Variants in CCDC136 observed in about 807,000 individuals in gnomAD.
The protein encoded by CCDC136 is coiled-coil domain containing 136.
A neutral mutation model predicts 141.2 loss-of-function variants in CCDC136; 100 were observed. The observed-to-expected ratio is 0.71, with a 90% CI of 0.60 to 0.84. The LOEUF is 0.84. CCDC136 is among the 40% of genes least tolerant of loss of function. The probability of loss-of-function intolerance (pLI) is 0.00; values close to 1 mark genes in which losing one functional copy is unlikely to be tolerated. For missense variants in CCDC136, 1,206 were observed against 1,379.4 expected (o/e 0.87, Z 1.99); for synonymous variants, 474 against 531.9 (o/e 0.89, Z 1.50).
chr7:128,793,599 T>G (rs1342409245), intron 1 of CCDC136, among the ~76,000 whole-genome samples: 1 of 152,116 alleles, frequency 6.6e-6, no homozygotes, highest in African/African-American at 2.4e-5. Flanking sequence ...TAGTTTTTGT[T>G]TGGTTGTTTT....
Position 128,805,666 on chromosome 7 carries a change from T to G in CCDC136, c.949-95T>G. ...GGTCTCACTTGCCTGATGTAAATCT[T>G]CCAGTCAAAGAGCGCCATGCTTTCC... On this transcript the variant is annotated intron_variant, in intron 6 of 17. Transcript: ENST00000297788. The surrounding 1 kb of genome is among the most constrained non-coding windows in gnomAD (Gnocchi z 4.6). 1 of 1,562,818 alleles carries G rather than the reference T, an allele frequency of 6.4e-7. No homozygotes were observed. The highest frequency in any genetic ancestry group is 8.7e-7 in the Non-Finnish European group (1 of 1,145,690).
chr7:128,808,886 A>G, intron 10 of CCDC136: 2 of 985,326 alleles, frequency 2.0e-6, no homozygotes, highest in Non-Finnish European at 2.4e-6. Flanking sequence ...GATCTGTCTG[A>G]TATTAGAAGA....
rs537799213 is a variant in CCDC136 at position 128,815,990 on chromosome 7, C to T, written c.3363+59C>T. On this transcript the variant is annotated intron_variant, in intron 16 of 17. Coordinates refer to ENST00000297788, the MANE Select transcript of CCDC136 (RefSeq NM_022742.5). ...GTGGGGTCTTGGGCTCAGATAACTC[C>T]GAGTTAATGGGTGGCCCTGCCAAGG... 137 of 1,510,600 alleles carry T rather than the reference C, an allele frequency of 9.1e-5. 1 individual carries two copies. The South Asian group carries it at 1.3e-3, about 14-fold the overall frequency. The allele number at this position is 1,510,600 out of a possible 1,614,324, so 93.6% of individuals were successfully genotyped here.
At position 128,805,942 on chromosome 7, in the gene CCDC136, G is replaced by A. The variant is rs1043810600; in HGVS notation, c.1089+41G>A. 1.1e-5 allele frequency: 17 copies of A among 1,610,412 alleles called. No homozygotes were observed. In the Admixed American group the frequency reaches 2.3e-4, roughly 22 times the overall value. On this transcript the variant is annotated intron_variant, in intron 7 of 17. Coordinates refer to ENST00000297788, the MANE Select transcript of CCDC136 (RefSeq NM_022742.5). The surrounding 1 kb of genome is among the most constrained non-coding windows in gnomAD (Gnocchi z 4.6). ...GGAGGCATCTGGGGTGGGGGCAGAA[G>A]GGCCTCATGGAGGGGCTGCTTCAAC...
At chr7:128,814,411 A>G (rs1461527802) in intron 14 of CCDC136, among the ~76,000 whole-genome samples, 1 of 152,144 alleles carries the variant, frequency 6.6e-6, no homozygotes, top group East Asian at 1.9e-4. Context: ...TCATCTTATT[A>G]GATGGACATC....
At chr7:128,796,100 C>G (rs1435860740) in intron 3 of CCDC136, among the ~76,000 whole-genome samples, 1 of 152,086 alleles carries the variant, frequency 6.6e-6, no homozygotes, top group African/African-American at 2.4e-5. Flanking sequence ...CTCAGCCTCC[C>G]GAGTAGCTGA....
At chr7:128,791,517 C>A, upstream of CCDC136, 1 of 1,292,956 alleles carries the variant, frequency 7.7e-7, no homozygotes, top group Non-Finnish European at 9.7e-7. This position sits in a 1 kb window ranked among gnomAD's most constrained non-coding sequence, Gnocchi z 7.1. Context: ...CCGGAGCCGG[C>A]GCGGGAGCCG....
intron 9 of CCDC136, 145 bp downstream of exon 9, chr7:128,807,003 C>T (rs756789255): frequency 1.2e-4 from 81 of 692,602 alleles, no homozygotes; most frequent in Non-Finnish European, 1.7e-4. Context: ...AAGGTGACCT[C>T]GGGGAGTCAC....
Position 128,806,851 on chromosome 7 carries a change from A to G in CCDC136, c.1412A>G (p.Asn471Ser), listed in dbSNP as rs540079306. 5 of 1,602,204 alleles carry G rather than the reference A, an allele frequency of 3.1e-6. No homozygotes were observed. The African/African-American group carries it at 4.0e-5, about 13-fold the overall frequency. The stretch of plus-strand genomic sequence containing the variant: ...ACGGTGGCCTCCTTCAAAGAGAGCA[A>G]TGAGAAGGTAAAAGAAGCTCCTGGT... ...RDTVASFKES[N>S]EKDTETHAQL... The change falls in exon 9 of 18, where the codon AAT becomes AGT. Residue 471 changes from asparagine to serine, a missense_variant. By Grantham distance (46) the Asn-to-Ser change is conservative. Coordinates refer to ENST00000297788, the MANE Select transcript of CCDC136 (RefSeq NM_022742.5).
chr7:128,792,174 A>G lies in CCDC136; in HGVS notation c.-238A>G. ...GGTGGCCGAGAGAGAGGAGTCGCAG[A>G]GCCGCCAGAGTGAGTCAGGCACCTC... On this transcript the variant is annotated 5_prime_UTR_variant, in exon 1 of 18. Transcript: ENST00000297788. 1 of 1,443,778 alleles carries G rather than the reference A, an allele frequency of 6.9e-7. No homozygotes were observed. Among genetic ancestry groups the G allele is most frequent in the Non-Finnish European group, 9.0e-7 (1 of 1,105,664 alleles). 89.4% of individuals were successfully genotyped at this position (1,443,778 alleles called of 1,614,324 possible). A position where few individuals can be genotyped will look rare whatever the true frequency, so the allele number is the denominator to read the frequency against.
intron 4 of CCDC136, among the ~76,000 whole-genome samples, chr7:128,802,642 G>C (rs781285328): frequency 6.6e-6 from 1 of 152,192 alleles, no homozygotes. Context: ...AAAATGTAGA[G>C]AAATCCAAGT....
intron 10 of CCDC136, chr7:128,808,993 A>C: frequency 2.0e-6 from 2 of 983,312 alleles, no homozygotes; most frequent in African/African-American, 1.7e-5. Flanking sequence ...TAGGAAAGCA[A>C]AAATGGGAAA....
At chr7:128,803,091 A>T (rs2128906664) in intron 4 of CCDC136, among the ~76,000 whole-genome samples, 1 of 152,372 alleles carries the variant, frequency 6.6e-6, no homozygotes, top group Admixed American at 6.5e-5. Flanking sequence ...AGCAGGTAAG[A>T]TAGGTCTTGT....
rs776592909 is a variant in CCDC136 at position 128,812,865 on chromosome 7, G to A, written c.2699G>A (p.Arg900Lys). 5.0e-6 allele frequency: 8 copies of A among 1,613,034 alleles called. No individual in the cohort carries two copies. Among genetic ancestry groups the A allele is most frequent in the African/African-American group, 1.3e-5 (1 of 74,786 alleles). ...AAGGAAGAGCTGGATGCCTGTGAAA[G>A]GGAGTTCAAGGAGTGCATGGAATGC... The part of the protein sequence containing the change: ...DLKEELDACE[R>K]EFKECMECLE... Residue 900 changes from arginine (R) to lysine (K), a missense_variant, in exon 14 of 18, where the codon AGG becomes AAG. Transcript: ENST00000297788.
intron 16 of CCDC136, among the ~76,000 whole-genome samples, chr7:128,816,568 T>C (rs1806666004): frequency 6.6e-6 from 1 of 152,152 alleles, no homozygotes; most frequent in Non-Finnish European, 1.5e-5. Context: ...AACCCTTCAG[T>C]TGCTAGATCA....
chr7:128,815,896 G>A lies in CCDC136; in HGVS notation c.3328G>A (p.Glu1110Lys). Residue 1110 changes from glutamate to lysine, a missense_variant, in exon 16 of 18, where the codon GAA (glutamate) becomes AAA (lysine). Physicochemically the swap from Glu to Lys is moderately conservative, Grantham distance 56 (BLOSUM62 1). Transcript: ENST00000297788. ...DADSSLESPE[E>K]NNPLRLSESK... Reference sequence around the variant, plus strand: ...CGACTCTTCCCTTGAAAGTCCCGAAGAAAATAACCCCCTCAGACTTTCCGA... The same window carrying A: ...CGACTCTTCCCTTGAAAGTCCCGAAAAAAATAACCCCCTCAGACTTTCCGA... 1 of 1,613,752 alleles carries A rather than the reference G, an allele frequency of 6.2e-7. No homozygotes were observed. Among genetic ancestry groups the A allele is most frequent in the Non-Finnish European group, 8.5e-7 (1 of 1,179,790 alleles).
chr7:128,816,010 C>A, intron 16 of CCDC136, 79 bp downstream of exon 16: 1 of 1,404,234 alleles, frequency 7.1e-7, no homozygotes, highest in African/African-American at 1.4e-5. Context: ...GGTGGCCCTG[C>A]CAAGGATGGA....
Position 128,809,638 on chromosome 7 carries a change from A to G in CCDC136, c.1794A>G (p.Leu598=), listed in dbSNP as rs1805412861. The change falls in exon 11 of 18, where the codon TTA becomes TTG. Residue 598 remains leucine (L), a synonymous_variant. Coordinates refer to ENST00000297788, the MANE Select transcript of CCDC136 (RefSeq NM_022742.5). ...LTLPLPKSGL[L]LKSQELLTKL... Reference sequence around the variant, plus strand: ...TGCCACTGCCAAAGAGTGGCCTCTTACTCAAGGTAACTCTGCCACAGGCAG... The same window carrying G: ...TGCCACTGCCAAAGAGTGGCCTCTTGCTCAAGGTAACTCTGCCACAGGCAG... 6.6e-7 allele frequency: 1 copy of G among 1,514,256 alleles called. No homozygotes were observed. Among genetic ancestry groups the G allele is most frequent in the Non-Finnish European group, 8.9e-7 (1 of 1,128,608 alleles). 93.8% of individuals were successfully genotyped at this position (1,514,256 alleles called of 1,614,324 possible). A position where few individuals can be genotyped will look rare whatever the true frequency, so the allele number is the denominator to read the frequency against.
rs1242519160 is a variant in CCDC136 at position 128,821,276 on chromosome 7, A to G, written c.*6-523A>G. On this transcript the variant is annotated intron_variant, in intron 17 of 17. Coordinates refer to ENST00000297788, the MANE Select transcript of CCDC136 (RefSeq NM_022742.5). This position sits in a 1 kb window ranked among gnomAD's most constrained non-coding sequence, Gnocchi z 5.1. ...GGTTTCCTTAAATTTCCTTGAACCAATGTCATTCTCTGTCAAAGTTTGTCT... is the reference window on the plus strand; with the variant it reads ...GGTTTCCTTAAATTTCCTTGAACCAGTGTCATTCTCTGTCAAAGTTTGTCT... 2.0e-5 allele frequency among the ~76,000 whole-genome samples: 3 copies of G among 152,142 alleles called. No individual in the cohort carries two copies. The highest frequency in any genetic ancestry group is 1.9e-4 in the East Asian group (1 of 5,192).
Sources: allele counts gnomAD v4.1 joint callset (sites outside exome capture counted in the v4.1 genomes callset), GRCh38; gene constraint gnomAD v4.1.1; non-coding constraint Gnocchi (gnomAD v3.1); transcripts MANE v1.5; gene names NCBI Gene and HGNC (gene_info 2026-07-23, HGNC 2026-07-21).